Variants in DPH6 observed in about 807,000 individuals in gnomAD.
DPH6 encodes diphthine--ammonia ligase.
A neutral mutation model predicts 38.2 loss-of-function variants in DPH6; 33 were observed. That is an observed-to-expected ratio of 0.86 (90% confidence interval 0.65 to 1.15). The LOEUF (loss-of-function observed/expected upper bound fraction) is 1.15, where lower values mean the gene tolerates loss of function less well. Ranked by LOEUF, DPH6 falls within the 50% of genes most tolerant of loss-of-function variation. DPH6 has a pLI of 0.00. For missense variants in DPH6, 325 were observed against 320.0 expected (o/e 1.02, Z -0.12); for synonymous variants, 108 against 103.0 (o/e 1.05, Z -0.30).
the DPH6 span, among the ~76,000 whole-genome samples, chr15:35,160,598 A>C: frequency 6.6e-6 from 1 of 151,736 alleles, no homozygotes; most frequent in African/African-American, 2.4e-5. Flanking sequence ...TTTGACCCTC[A>C]GTCTCCTCTC....
At chr15:35,258,946 A>G (rs1269631452) in intron 3 of DPH6, among the ~76,000 whole-genome samples, 5 of 152,120 alleles carry the variant, frequency 3.3e-5, no homozygotes, top group Admixed American at 1.3e-4. Flanking sequence ...CAGGAGTTCA[A>G]GACCAGCCTG....
chr15:35,187,442 A>T, the DPH6 span, among the ~76,000 whole-genome samples: 8 of 152,232 alleles, frequency 5.3e-5, no homozygotes, highest in Non-Finnish European at 7.3e-5. Flanking sequence ...ACTCAAAATG[A>T]ACTGAACAGA....
intron 5 of DPH6, among the ~76,000 whole-genome samples, chr15:35,421,128 T>C (rs2053499732): frequency 6.6e-6 from 1 of 152,072 alleles, no homozygotes; most frequent in Non-Finnish European, 1.5e-5. Context: ...AGAATAACTA[T>C]TGAGATTGAA....
At chr15:35,187,454 T>G in the DPH6 span, among the ~76,000 whole-genome samples, 1 of 152,164 alleles carries the variant, frequency 6.6e-6, no homozygotes, top group African/African-American at 2.4e-5. Context: ...CTGAACAGAT[T>G]TTTTTTAGTG....
At chr15:35,407,993 C>T (rs1217824484) in intron 6 of DPH6, among the ~76,000 whole-genome samples, 1 of 151,902 alleles carries the variant, frequency 6.6e-6, no homozygotes, top group Admixed American at 6.6e-5. Flanking sequence ...ATATAAATAA[C>T]GGATCATGGC....
the DPH6 span, among the ~76,000 whole-genome samples, chr15:35,152,005 G>A: frequency 6.6e-6 from 1 of 152,064 alleles, no homozygotes; most frequent in Non-Finnish European, 1.5e-5. Flanking sequence ...AAAAAATTGG[G>A]TAAATAATTA....
the DPH6 span, among the ~76,000 whole-genome samples, chr15:35,206,935 C>A: frequency 6.8e-6 from 1 of 146,470 alleles, no homozygotes; most frequent in Non-Finnish European, 1.5e-5. Flanking sequence ...TATAACAACT[C>A]ATAAAACCAT....
intron 3 of DPH6, among the ~76,000 whole-genome samples, chr15:35,458,454 A>T (rs2054023593): frequency 6.6e-6 from 1 of 150,760 alleles, no homozygotes; most frequent in Non-Finnish European, 1.5e-5. Context: ...TTTGAACGCA[A>T]CTACAAATAA....
chr15:35,158,282 ATCTT>A, the DPH6 span, among the ~76,000 whole-genome samples: 3 of 152,120 alleles, frequency 2.0e-5, no homozygotes, highest in African/African-American at 7.2e-5. Flanking sequence ...TGTTTTTTAT[ATCTT>A]GATTGGCTAT....
intron 6 of DPH6, among the ~76,000 whole-genome samples, chr15:35,388,106 C>G (rs1474621570): frequency 3.3e-5 from 5 of 152,004 alleles, no homozygotes; most frequent in Admixed American, 6.6e-5. Flanking sequence ...TAATCATGTG[C>G]TTATTGTCTT....
At chr15:35,382,644 C>T (rs2052886759) in intron 6 of DPH6, among the ~76,000 whole-genome samples, 1 of 151,968 alleles carries the variant, frequency 6.6e-6, no homozygotes, top group Non-Finnish European at 1.5e-5. Flanking sequence ...CTCAAGGATA[C>T]AGAAAAAGCA....
At chr15:35,273,295 C>A (rs763627620) in intron 3 of DPH6, among the ~76,000 whole-genome samples, 27 of 152,076 alleles carry the variant, frequency 1.8e-4, no homozygotes, top group Admixed American at 5.9e-4. Flanking sequence ...TATCCTTCAC[C>A]CCCTTCTCAC....
intron 4 of DPH6, 34 bp downstream of exon 4, chr15:35,454,713 C>G: frequency 1.3e-6 from 2 of 1,525,168 alleles, no homozygotes; most frequent in South Asian, 2.4e-5. Flanking sequence ...AAAACACATA[C>G]ACTTTTAAAA....
intron 3 of DPH6, among the ~76,000 whole-genome samples, chr15:35,492,670 C>T (rs16961101): frequency 0.16 from 24,086 of 152,092 alleles, 3,559 homozygotes; most frequent in African/African-American, 0.4. Flanking sequence ...AACATGTTTA[C>T]CTTATTTAAT....
intron 3 of DPH6, among the ~76,000 whole-genome samples, chr15:35,318,921 A>C (rs561034164): frequency 1.3e-5 from 2 of 152,312 alleles, no homozygotes; most frequent in South Asian, 4.1e-4. Flanking sequence ...TACACACAAG[A>C]TCACGAATGC....
chr15:35,273,714 T>G (rs2051838409), intron 3 of DPH6, among the ~76,000 whole-genome samples: 1 of 152,164 alleles, frequency 6.6e-6, no homozygotes, highest in South Asian at 2.1e-4. Flanking sequence ...GAAGGACCTC[T>G]TCAAGGATAA....
intron 3 of DPH6, among the ~76,000 whole-genome samples, chr15:35,474,323 G>A (rs555277965): frequency 4.6e-5 from 7 of 152,194 alleles, no homozygotes; most frequent in African/African-American, 7.2e-5. Flanking sequence ...CTAGAGTCAC[G>A]AGGTTTCAAA....
chr15:35,263,862 C>T (rs1566854150), intron 3 of DPH6, among the ~76,000 whole-genome samples: 1 of 152,068 alleles, frequency 6.6e-6, no homozygotes, highest in Admixed American at 6.6e-5. Context: ...CAGGCGCCCA[C>T]CACCACGCCT....
At chr15:35,237,052 T>C (rs2051557593) in intron 3 of DPH6, 1 of 440,538 alleles carries the variant, frequency 2.3e-6, no homozygotes, top group East Asian at 4.3e-5. Flanking sequence ...CTGTTTTTCT[T>C]GGGTTGGAAT....
Sources: allele counts gnomAD v4.1 joint callset (sites outside exome capture counted in the v4.1 genomes callset), GRCh38; gene constraint gnomAD v4.1.1; transcripts MANE v1.5; gene names NCBI Gene and HGNC (gene_info 2026-07-23, HGNC 2026-07-21).